Variants in KAT8 observed in about 807,000 individuals in gnomAD.
The protein encoded by KAT8 is histone acetyltransferase KAT8.
In KAT8, 40 loss-of-function variants were observed where a neutral mutation model predicts 62.9. The ratio of observed to expected loss-of-function variants is 0.64; its 90% CI spans 0.49 to 0.83. The LOEUF (loss-of-function observed/expected upper bound fraction) is 0.83. Among genes scored for constraint, KAT8 ranks in the 40% least tolerant of loss-of-function variants. KAT8 has a pLI of 0.00. For synonymous variants in KAT8, 278 were observed against 254.5 expected (o/e 1.09, Z -0.88); for missense variants, 387 against 614.8 (o/e 0.63, Z 3.92).
intron 1 of KAT8, among the ~76,000 whole-genome samples, chr16:31,119,801 G>A (rs922905275): frequency 4.0e-5 from 6 of 151,478 alleles, no homozygotes; most frequent in African/African-American, 1.5e-4. Context: ...TCAGCCTCCC[G>A]AGTAGTTGGG....
chr16:31,117,933 G>C, intron 1 of KAT8, 41 bp downstream of exon 1: 1 of 1,282,456 alleles, frequency 7.8e-7, no homozygotes, highest in Admixed American at 4.2e-5. Context: ...GCGGAGCTCA[G>C]GGCCAGGGGG....
rs1315684192 is a variant in KAT8, at chr16:31,127,223, T to A, written c.551T>A (p.Ile184Asn). The part of the protein sequence containing the change: ...TKVKYVDKIH[I>N]GNYEIDAWYF... Reference sequence around the variant, plus strand: ...GTGAAGTATGTGGACAAGATCCACATCGGGAACTACGAAATTGATGCCTGG... The same window carrying A: ...GTGAAGTATGTGGACAAGATCCACAACGGGAACTACGAAATTGATGCCTGG... The change falls in exon 5 of 11, where the codon ATC (isoleucine) becomes AAC (asparagine). Residue 184 changes from isoleucine to asparagine, a missense_variant. Ile to Asn is a moderately radical substitution (Grantham distance 149, BLOSUM62 -3). This residue lies in a region of KAT8 where 141 missense variants were observed against 222.5 expected (regional missense o/e 0.63). Transcript: ENST00000219797. 1 of 1,614,214 alleles carries A rather than the reference T, an allele frequency of 6.2e-7. No individual in the cohort carries two copies. The highest frequency in any genetic ancestry group is 1.7e-5 in the Admixed American group (1 of 60,026).
rs746732919 is a variant in KAT8, at chr16:31,120,321, T to TA, written c.287-17dup. On this transcript the variant is annotated splice_polypyrimidine_tract_variant and intron_variant, in intron 2 of 10. Coordinates refer to ENST00000219797, the MANE Select transcript of KAT8 (RefSeq NM_032188.3). ...GAGTTGGCTGCCCTGGCAGCACTCT[T>TA]ATGGCCCATACTTACAGTTAACCGG... The TA allele has an allele frequency of 6.2e-7, 1 of 1,614,140 alleles. No homozygotes were observed. The highest frequency in any genetic ancestry group is 1.1e-5 in the South Asian group (1 of 91,088).
chr16:31,127,088 G>T lies in KAT8; in HGVS notation c.516G>T (p.Ala172=). Residue 172 remains alanine (A), a splice_region_variant and synonymous_variant, in exon 4 of 11, where the codon GCG becomes GCT. Coordinates refer to ENST00000219797, the MANE Select transcript of KAT8 (RefSeq NM_032188.3). ...CAGCCTTGGAGAAGGAGCATGAGGC[G>T]GTAAGTGGGGCTGGGAAGCTGCCTG... ...TTAALEKEHE[A]ITKVKYVDKI... The T allele has an allele frequency of 6.2e-7, 1 of 1,614,124 alleles. No individual in the cohort carries two copies. Among genetic ancestry groups the T allele is most frequent in the Non-Finnish European group, 8.5e-7 (1 of 1,180,020 alleles).
intron 6 of KAT8, among the ~76,000 whole-genome samples, chr16:31,128,618 G>A (rs371229120): frequency 6.6e-6 from 1 of 152,206 alleles, no homozygotes; most frequent in East Asian, 1.9e-4. Flanking sequence ...AGGAAACACA[G>A]GGCCTTGTGG....
chr16:31,130,937 G>A (rs1339309222), intron 10 of KAT8, 37 bp downstream of exon 10: 2 of 1,594,876 alleles, frequency 1.3e-6, no homozygotes, highest in East Asian at 2.3e-5. Context: ...GGGCGGTGGG[G>A]GAGTGTCAGT....
chr16:31,120,714 C>T lies in KAT8; in HGVS notation c.462+200C>T, dbSNP rs189488940. The T allele has an allele frequency of 1.7e-5, 9 of 535,940 alleles. No homozygotes were observed. In the East Asian group the frequency reaches 2.4e-4, roughly 14 times the overall value. 33.2% of individuals were successfully genotyped at this position (535,940 alleles called of 1,614,324 possible). Reference sequence around the variant, plus strand: ...CAGAGGGTAAGGGCTTCGCTGCAGTCTCACAGCAAGGAAATGGCACAGCTG... The same window carrying T: ...CAGAGGGTAAGGGCTTCGCTGCAGTTTCACAGCAAGGAAATGGCACAGCTG... On this transcript the variant is annotated intron_variant, in intron 3 of 10. Transcript: ENST00000219797.
intron 3 of KAT8, among the ~76,000 whole-genome samples, chr16:31,123,044 G>A (rs948695893): frequency 2.6e-5 from 4 of 152,016 alleles, no homozygotes; most frequent in East Asian, 1.9e-4. Flanking sequence ...TTAGCCGGGC[G>A]TGGTGGTGCA....
intron 5 of KAT8, among the ~76,000 whole-genome samples, chr16:31,127,814 C>T (rs1386857907): frequency 6.6e-6 from 1 of 152,162 alleles, no homozygotes; most frequent in African/African-American, 2.4e-5. Flanking sequence ...GAGCCAGGCC[C>T]ACAGAGACTC....
At chr16:31,124,719 G>A (rs1005509172) in intron 3 of KAT8, among the ~76,000 whole-genome samples, 1 of 126,512 alleles carries the variant, frequency 7.9e-6, no homozygotes, top group African/African-American at 3.1e-5. Flanking sequence ...GCGACAGGGC[G>A]AGGCTCCATT....
At chr16:31,129,089 G>A (rs1456195425) in intron 6 of KAT8, among the ~76,000 whole-genome samples, 3 of 152,214 alleles carry the variant, frequency 2.0e-5, no homozygotes, top group East Asian at 1.9e-4. Context: ...TCCATAAGAC[G>A]GGAGTCATAA....
intron 7 of KAT8, 22 bp downstream of exon 7, chr16:31,130,179 G>C (rs1174338340): frequency 1.2e-6 from 2 of 1,609,194 alleles, no homozygotes; most frequent in Non-Finnish European, 8.5e-7. Context: ...GGAAACTCGG[G>C]GTGGGGAGGG....
chr16:31,119,216 C>G (rs546695637), intron 1 of KAT8, among the ~76,000 whole-genome samples: 1 of 152,270 alleles, frequency 6.6e-6, no homozygotes, highest in East Asian at 1.9e-4. Context: ...GTGGCGCCAT[C>G]TTGGCTCACT....
chr16:31,123,832 C>T (rs1427338998), intron 3 of KAT8: 1 of 152,142 alleles, frequency 6.6e-6, no homozygotes, highest in Non-Finnish European at 1.5e-5. Context: ...TTAAATAGCC[C>T]TATGTGACAA....
intron 7 of KAT8, 41 bp downstream of exon 7, chr16:31,130,198 G>A (rs1284206122): frequency 1.2e-6 from 2 of 1,609,734 alleles, no homozygotes; most frequent in South Asian, 2.2e-5. Flanking sequence ...GGTGGGGAGG[G>A]CGAAGGTGGG....
At chr16:31,131,038 C>G (rs751126313) in intron 10 of KAT8, 138 bp downstream of exon 10, 241 of 1,503,326 alleles carry the variant, frequency 1.6e-4, no homozygotes, top group Middle Eastern at 2.1e-4. Context: ...CCGGGGCAGG[C>G]CTCTCATTCC....
intron 6 of KAT8, among the ~76,000 whole-genome samples, chr16:31,128,486 A>C (rs1040325028): frequency 2.0e-5 from 3 of 152,066 alleles, no homozygotes; most frequent in Non-Finnish European, 4.4e-5. Context: ...CAGAGGTTGC[A>C]GTGAGCTGAG....
At chr16:31,129,932 G>C in intron 6 of KAT8, 85 bp from the exon 7 acceptor site, 3 of 1,481,814 alleles carry the variant, frequency 2.0e-6, no homozygotes, top group East Asian at 2.3e-5. Flanking sequence ...CGCCCACTTC[G>C]CGTGGGCTGG....
At chr16:31,120,759 C>G (rs979274706) in intron 3 of KAT8, 4 of 449,832 alleles carry the variant, frequency 8.9e-6, no homozygotes, top group Admixed American at 3.8e-5. Context: ...CTCAGGCCTC[C>G]GGCACTGGTA....
Sources: allele counts gnomAD v4.1 joint callset (sites outside exome capture counted in the v4.1 genomes callset), GRCh38; gene constraint gnomAD v4.1.1; regional missense constraint gnomAD v4.1.1; transcripts MANE v1.5; gene names NCBI Gene and HGNC (gene_info 2026-07-23, HGNC 2026-07-21).